KCNH1: variants seen among roughly 807,000 people sequenced by gnomAD.
The protein encoded by KCNH1 is potassium voltage-gated channel subfamily H member 1.
Under a neutral mutation model 69.2 loss-of-function variants are expected in KCNH1, and 27 were observed. The observed-to-expected ratio is 0.39, with a 90% CI of 0.29 to 0.54. The LOEUF (loss-of-function observed/expected upper bound fraction) is 0.54. Among genes scored for constraint, KCNH1 ranks in the 20% least tolerant of loss-of-function variants. The pLI is 0.68. For synonymous variants in KCNH1, 456 were observed against 487.7 expected, an observed-to-expected ratio of 0.93 and a Z score of 0.86; for missense variants, 798 against 1,261.6, an observed-to-expected ratio of 0.63 and a Z score of 5.57.
At chr1:210,702,981 T>C (rs1681820457) in intron 10 of KCNH1, among the ~76,000 whole-genome samples, 1 of 152,168 alleles carries the variant, frequency 6.6e-6, no homozygotes, top group Non-Finnish European at 1.5e-5. Context: ...TTTTATATCA[T>C]TTCATTGGGT....
chr1:211,064,019 TTACTC>T (rs776292124), intron 5 of KCNH1, among the ~76,000 whole-genome samples: 20 of 152,140 alleles, frequency 1.3e-4, no homozygotes, highest in Admixed American at 5.2e-4. Context: ...ATTTGTTAAA[TTACTC>T]TATACTACTC....
At chr1:210,827,104 G>A (rs962034763) in intron 7 of KCNH1, among the ~76,000 whole-genome samples, 9 of 152,202 alleles carry the variant, frequency 5.9e-5, no homozygotes, top group South Asian at 2.1e-4. Context: ...TTGGGAGGCC[G>A]AGGCAGGTGA....
At chr1:211,017,491 A>T (rs1362037533) in intron 6 of KCNH1, among the ~76,000 whole-genome samples, 1 of 152,176 alleles carries the variant, frequency 6.6e-6, no homozygotes, top group Non-Finnish European at 1.5e-5. Context: ...AATCTGAAGC[A>T]ATGAGGGCCC....
intron 7 of KCNH1, among the ~76,000 whole-genome samples, chr1:210,846,081 G>A (rs532836326): frequency 6.6e-6 from 1 of 152,230 alleles, no homozygotes; most frequent in East Asian, 1.9e-4. Context: ...AATAAAAGAG[G>A]ACACAAACAA....
chr1:211,017,010 C>T (rs1558569204), intron 6 of KCNH1, among the ~76,000 whole-genome samples: 1 of 151,722 alleles, frequency 6.6e-6, no homozygotes, highest in Non-Finnish European at 1.5e-5. Context: ...TCAGTCTTGA[C>T]TCATTTCATC....
intron 7 of KCNH1, among the ~76,000 whole-genome samples, chr1:210,915,887 G>T (rs1014548920): frequency 2.6e-5 from 4 of 152,138 alleles, no homozygotes; most frequent in Non-Finnish European, 4.4e-5. Context: ...GGATAGCCAA[G>T]AAACACTATT....
At chr1:210,733,478 C>T (rs557685495) in intron 10 of KCNH1, among the ~76,000 whole-genome samples, 5 of 152,334 alleles carry the variant, frequency 3.3e-5, no homozygotes, top group African/African-American at 9.6e-5. Context: ...CCTAAAATTA[C>T]ACCATAAACA....
intron 1 of KCNH1, among the ~76,000 whole-genome samples, chr1:211,108,989 T>C (rs1417959262): frequency 6.6e-6 from 1 of 152,020 alleles, no homozygotes; most frequent in African/African-American, 2.4e-5. Context: ...AAGAAACAGG[T>C]AAGAAAACAA....
chr1:210,747,857 C>G (rs1683196864), intron 10 of KCNH1, among the ~76,000 whole-genome samples: 1 of 152,098 alleles, frequency 6.6e-6, no homozygotes, highest in East Asian at 1.9e-4. Context: ...CAACATTTTC[C>G]CCCTAGCTGC....
chr1:210,683,937 G>A lies in KCNH1; in HGVS notation c.2314C>T (p.Leu772Phe), dbSNP rs143558477. The change falls in exon 11 of 11, where the codon CTT becomes TTT. Residue 772 changes from leucine to phenylalanine, a missense_variant. Leu to Phe is a conservative substitution (Grantham distance 22). Transcript: ENST00000271751. This position sits in a 1 kb window ranked among gnomAD's most constrained non-coding sequence, Gnocchi z 5.7. ...DDLDVEKGNV[L>F]TEHASANHSL... The stretch of plus-strand genomic sequence containing the variant: ...TGGTTGGCGGAGGCATGCTCTGTAA[G>A]GACATTGCCCTTCTCCACATCTAGG... 12 of 1,608,944 alleles carry A rather than the reference G, an allele frequency of 7.5e-6. No homozygotes were observed. The highest frequency in any genetic ancestry group is 3.3e-4 in the Middle Eastern group (2 of 6,052).
chr1:210,935,791 T>C (rs916188696), intron 6 of KCNH1, among the ~76,000 whole-genome samples: 1 of 152,238 alleles, frequency 6.6e-6, no homozygotes, highest in Non-Finnish European at 1.5e-5. Context: ...GCTTTATCCC[T>C]GAAGGCCAAC....
intron 5 of KCNH1, among the ~76,000 whole-genome samples, chr1:211,031,653 C>CA (rs1689787777): frequency 6.6e-6 from 1 of 152,090 alleles, no homozygotes; most frequent in Non-Finnish European, 1.5e-5. Context: ...GAACCAACGA[C>CA]AAAAAACACA....
chr1:210,803,920 G>T, intron 8 of KCNH1, 47 bp downstream of exon 8: 1 of 1,566,304 alleles, frequency 6.4e-7, no homozygotes, highest in Non-Finnish European at 8.7e-7. Flanking sequence ...ACCCTCCTAG[G>T]GAAACCAAAA....
chr1:210,859,657 G>T, intron 7 of KCNH1: 3 of 1,308,618 alleles, frequency 2.3e-6, no homozygotes, highest in Non-Finnish European at 3.3e-6. Context: ...TGCATGGCAG[G>T]CATATGCTCT....
intron 10 of KCNH1, among the ~76,000 whole-genome samples, chr1:210,688,602 T>C (rs1300415681): frequency 6.6e-6 from 1 of 152,234 alleles, no homozygotes; most frequent in African/African-American, 2.4e-5. Context: ...CCTAAAGGAC[T>C]TCCATTTTTC....
chr1:211,074,520 T>C (rs923809068), intron 5 of KCNH1, among the ~76,000 whole-genome samples: 5 of 152,206 alleles, frequency 3.3e-5, no homozygotes, highest in African/African-American at 1.2e-4. Context: ...AAGTATGATT[T>C]TCTTATTGAC....
At chr1:211,033,416 G>A (rs1461245043) in intron 5 of KCNH1, among the ~76,000 whole-genome samples, 5 of 152,160 alleles carry the variant, frequency 3.3e-5, no homozygotes, top group South Asian at 2.1e-4. Flanking sequence ...ATTACTGGGT[G>A]TATACCCAAA....
At chr1:211,044,952 C>T (rs551995937) in intron 5 of KCNH1, among the ~76,000 whole-genome samples, 104 of 149,494 alleles carry the variant, frequency 7.0e-4, no homozygotes, top group African/African-American at 2.5e-3. Flanking sequence ...TGCTTGCACA[C>T]ACACATATTT....
At chr1:210,909,571 T>A (rs769631678) in intron 7 of KCNH1, among the ~76,000 whole-genome samples, 11 of 152,226 alleles carry the variant, frequency 7.2e-5, no homozygotes, top group Non-Finnish European at 1.5e-4. Flanking sequence ...GCCCAGGACT[T>A]AAGTACCTTC....
Sources: allele counts gnomAD v4.1 joint callset (sites outside exome capture counted in the v4.1 genomes callset), GRCh38; gene constraint gnomAD v4.1.1; non-coding constraint Gnocchi (gnomAD v3.1); transcripts MANE v1.5; gene names NCBI Gene and HGNC (gene_info 2026-07-23, HGNC 2026-07-21).